PATJ: variants seen among roughly 807,000 people sequenced by gnomAD.
PATJ encodes the protein PATJ crumbs cell polarity complex component.
A neutral mutation model predicts 224.9 loss-of-function variants in PATJ; 190 were observed. The ratio of observed to expected loss-of-function variants is 0.84; its 90% CI spans 0.75 to 0.95. PATJ has a LOEUF of 0.95. Ranked by LOEUF, PATJ falls within the 40% of genes least tolerant of loss-of-function variation. The probability of loss-of-function intolerance (pLI) is 0.00; values close to 1 mark genes in which losing one functional copy is unlikely to be tolerated. For missense variants in PATJ, 2,121 were observed against 2,270.3 expected (o/e 0.93, Z 1.34); for synonymous variants, 769 against 820.3 (o/e 0.94, Z 1.07).
At chr1:61,745,611 T>G (rs999978064) in intron 1 of PATJ, among the ~76,000 whole-genome samples, 2 of 150,220 alleles carry the variant, frequency 1.3e-5, no homozygotes, top group Non-Finnish European at 3.0e-5. Flanking sequence ...ATTAATTAAT[T>G]TATTTATTTG....
At chr1:61,817,240 CAT>C (rs1656293063) in intron 14 of PATJ, among the ~76,000 whole-genome samples, 2 of 152,124 alleles carry the variant, frequency 1.3e-5, no homozygotes, top group South Asian at 4.1e-4. Context: ...AGGCAGGAAA[CAT>C]AAATTATATA....
intron 30 of PATJ, among the ~76,000 whole-genome samples, chr1:62,045,741 C>G (rs1262152888): frequency 2.0e-5 from 3 of 152,288 alleles, no homozygotes; most frequent in East Asian, 1.9e-4. Flanking sequence ...CATCCGTCAG[C>G]CAGATGGTCC....
At chr1:61,794,912 G>A (rs909458792) in intron 9 of PATJ, among the ~76,000 whole-genome samples, 1 of 152,014 alleles carries the variant, frequency 6.6e-6, no homozygotes, top group African/African-American at 2.4e-5. Flanking sequence ...AACTCTGAAA[G>A]TGGAGGTTGC....
chr1:61,856,796 T>C (rs1181518190), intron 18 of PATJ, among the ~76,000 whole-genome samples: 1 of 152,194 alleles, frequency 6.6e-6, no homozygotes, highest in Non-Finnish European at 1.5e-5. Flanking sequence ...TTTCACCATG[T>C]TGGCCAGGCT....
intron 1 of PATJ, among the ~76,000 whole-genome samples, chr1:61,746,989 T>C (rs1645055489): frequency 6.6e-6 from 1 of 152,238 alleles, no homozygotes; most frequent in African/African-American, 2.4e-5. Context: ...TAACAGCATT[T>C]AATAATTATC....
At chr1:61,923,311 C>G (rs966708058) in intron 26 of PATJ, among the ~76,000 whole-genome samples, 4 of 152,130 alleles carry the variant, frequency 2.6e-5, no homozygotes, top group African/African-American at 9.7e-5. Flanking sequence ...TCTGGAATGA[C>G]AAGGCGCCTT....
At chr1:61,932,595 C>T (rs1336564165) in intron 27 of PATJ, among the ~76,000 whole-genome samples, 1 of 152,118 alleles carries the variant, frequency 6.6e-6, no homozygotes, top group East Asian at 1.9e-4. Flanking sequence ...AGAAAGAGGA[C>T]GCTTGATAAA....
In PATJ at chr1:61,884,108, T is replaced by C. The variant is rs927299952; in HGVS notation, c.2960-129T>C. ...TGATATATTAAAGCCTTTATTTATT[T>C]ACTTTAATATTTTCAGTCTCCTACC... On this transcript the variant is annotated intron_variant, in intron 21 of 43. Coordinates refer to ENST00000642238, the MANE Select transcript of PATJ (RefSeq NM_001350145.3). 5.7e-6 allele frequency: 3 copies of C among 524,642 alleles called. No individual in the cohort carries two copies. In the African/African-American group the frequency reaches 5.7e-5, roughly 10 times the overall value. The allele number at this position is 524,642 out of a possible 1,614,324, so 32.5% of individuals were successfully genotyped here.
At chr1:62,008,935 T>C (rs1316609286) in intron 28 of PATJ, among the ~76,000 whole-genome samples, 3 of 152,308 alleles carry the variant, frequency 2.0e-5, no homozygotes, top group East Asian at 1.9e-4. Flanking sequence ...CTTCCCACCA[T>C]TGTGGGATGA....
intron 9 of PATJ, among the ~76,000 whole-genome samples, chr1:61,792,089 A>T (rs908783467): frequency 6.6e-6 from 1 of 151,970 alleles, no homozygotes; most frequent in South Asian, 2.1e-4. Flanking sequence ...AAAATGTTCA[A>T]TTTTTTTTAA....
intron 25 of PATJ, 127 bp from the exon 26 acceptor site, chr1:61,914,460 A>C: frequency 2.1e-6 from 1 of 476,816 alleles, no homozygotes; most frequent in Non-Finnish European, 3.9e-6. Flanking sequence ...CCATCTCAGA[A>C]AAAGAAAAAA....
At chr1:61,960,663 CAAA>C (rs1163415331) in intron 27 of PATJ, among the ~76,000 whole-genome samples, 1 of 98,470 alleles carries the variant, frequency 1.0e-5, no homozygotes, top group Non-Finnish European at 2.2e-5. Context: ...AACTCCATCT[CAAA>C]AAAAAAAAAA....
At chr1:61,909,370 A>G (rs1198313716) in intron 25 of PATJ, among the ~76,000 whole-genome samples, 1 of 152,252 alleles carries the variant, frequency 6.6e-6, no homozygotes, top group Non-Finnish European at 1.5e-5. Context: ...ATTTTATACT[A>G]CAATGTGCAA....
intron 22 of PATJ, 23 bp downstream of exon 22, chr1:61,884,431 T>C (rs1668522873): frequency 7.1e-7 from 1 of 1,417,780 alleles, no homozygotes; most frequent in South Asian, 1.7e-5. Flanking sequence ...TTCTCTTTGT[T>C]TTCACATTAT....
chr1:61,929,861 A>G (rs1343709222), intron 27 of PATJ, among the ~76,000 whole-genome samples: 1 of 152,148 alleles, frequency 6.6e-6, no homozygotes, highest in Non-Finnish European at 1.5e-5. Flanking sequence ...CTCTTAAAAA[A>G]AAGAAAAGAA....
chr1:62,006,803 C>A (rs1057335342), intron 28 of PATJ, among the ~76,000 whole-genome samples: 1 of 152,126 alleles, frequency 6.6e-6, no homozygotes, highest in Non-Finnish European at 1.5e-5. Context: ...TACAGTCAGG[C>A]CTTAATGGCA....
intron 27 of PATJ, among the ~76,000 whole-genome samples, chr1:61,961,704 C>T (rs542423891): frequency 3.9e-5 from 6 of 152,016 alleles, no homozygotes; most frequent in East Asian, 1.9e-4. Flanking sequence ...CGCGGTGGCT[C>T]GTGCCTGTAA....
intron 17 of PATJ, among the ~76,000 whole-genome samples, chr1:61,836,098 G>C (rs72674655): frequency 0.033 from 4,955 of 152,208 alleles, 119 homozygotes; most frequent in Middle Eastern, 0.051. Context: ...AGAAAAACTA[G>C]ATAGTCCTTA....
At chr1:61,771,252 ATTAG>A (rs1250778068) in intron 5 of PATJ, among the ~76,000 whole-genome samples, 175 bp from the exon 6 acceptor site, 2 of 152,198 alleles carry the variant, frequency 1.3e-5, no homozygotes, top group African/African-American at 4.8e-5. Flanking sequence ...AAATTAGGTA[ATTAG>A]TTAATAACTT....
Sources: gnomAD v4.1 joint callset for allele counts (sites outside exome capture counted in the v4.1 genomes callset) on GRCh38, gnomAD v4.1.1 for gene constraint, MANE v1.5 for transcripts, NCBI Gene and HGNC (gene_info 2026-07-23, HGNC 2026-07-21) for gene names.